Variants in CARD8 observed in about 807,000 individuals in gnomAD.
The protein encoded by CARD8 is caspase recruitment domain-containing protein 8.
CARD8 carries 38 observed loss-of-function variants against 53.2 expected under a neutral mutation model. The observed-to-expected ratio is 0.71, with a 90% confidence interval of 0.55 to 0.94. The LOEUF is 0.94. Among genes scored for constraint, CARD8 ranks in the 40% least tolerant of loss-of-function variants. The probability of loss-of-function intolerance (pLI) is 0.00; values close to 1 mark genes in which losing one functional copy is unlikely to be tolerated. For missense variants in CARD8, 561 were observed against 655.5 expected, an observed-to-expected ratio of 0.86 and a Z score of 1.57; for synonymous variants, 245 against 244.9, an observed-to-expected ratio of 1.00 and a Z score of 0.00.
chr19:48,252,556 G>A (rs983231129), intron 1 of CARD8, among the ~76,000 whole-genome samples: 11 of 150,942 alleles, frequency 7.3e-5, no homozygotes, highest in Admixed American at 5.3e-4. Flanking sequence ...ATGCAGTGGT[G>A]TGATCTCAGC....
intron 3 of CARD8, among the ~76,000 whole-genome samples, chr19:48,246,821 T>C (rs1035245712): frequency 1.3e-5 from 2 of 152,208 alleles, no homozygotes; most frequent in African/African-American, 4.8e-5. Context: ...GACAAGGCTG[T>C]GGGAAATCTG....
At chr19:48,214,719 G>A (rs2038849199) in intron 13 of CARD8, among the ~76,000 whole-genome samples, 1 of 147,446 alleles carries the variant, frequency 6.8e-6, no homozygotes, top group South Asian at 2.1e-4. Flanking sequence ...TCACCCCCTC[G>A]GCCGTCTTCC....
intron 12 of CARD8, among the ~76,000 whole-genome samples, chr19:48,215,789 C>T (rs568348944): frequency 6.6e-6 from 1 of 151,902 alleles, no homozygotes; most frequent in African/African-American, 2.4e-5. Context: ...ATTTGGGTAC[C>T]CTTATAAGTT....
intron 10 of CARD8, among the ~76,000 whole-genome samples, chr19:48,229,701 A>G (rs1012331777): frequency 1.4e-4 from 22 of 152,216 alleles, no homozygotes; most frequent in African/African-American, 5.1e-4. Context: ...CTCAGAAGAG[A>G]GTGTGGGAAT....
rs73573000 is a variant in CARD8 at position 48,230,499 on chromosome 19, G to T, written c.974C>A (p.Pro325His). 1.2e-6 allele frequency: 2 copies of T among 1,614,030 alleles called. No individual in the cohort carries two copies. The highest frequency in any genetic ancestry group is 4.5e-5 in the East Asian group (2 of 44,870). The change falls in exon 10 of 14, where the codon CCC becomes CAC. Residue 325 changes from proline (P) to histidine (H), a missense_variant. Transcript: ENST00000651546. ...ITSNTLIYYH[P>H]HPEDIKFHLY... ...GTGGAACTTAATATCTTCGGGGTGG[G>T]GGTGATAATAGATCAATGTGTTGGA... is the stretch of plus-strand genomic sequence containing the variant.
At chr19:48,246,567 A>T (rs925928377) in intron 3 of CARD8, among the ~76,000 whole-genome samples, 2 of 152,208 alleles carry the variant, frequency 1.3e-5, no homozygotes, top group Non-Finnish European at 2.9e-5. Context: ...CAGATAGACA[A>T]ATAGAGCAGA....
downstream of CARD8, among the ~76,000 whole-genome samples, chr19:48,205,841 G>A (rs879091470): frequency 6.6e-6 from 1 of 152,146 alleles, no homozygotes; most frequent in Admixed American, 6.5e-5. Context: ...TAGTAGTAAG[G>A]TATAAAAGGA....
intron 1 of CARD8, among the ~76,000 whole-genome samples, chr19:48,251,833 C>T (rs1228046275): frequency 6.6e-6 from 1 of 152,128 alleles, no homozygotes; most frequent in Non-Finnish European, 1.5e-5. Flanking sequence ...CATGGCCAGT[C>T]TCCTCTGCAG....
chr19:48,246,519 CAT>C (rs1175836818), intron 3 of CARD8, among the ~76,000 whole-genome samples: 1 of 152,096 alleles, frequency 6.6e-6, no homozygotes, highest in East Asian at 1.9e-4. Context: ...TGTGCCTACA[CAT>C]GCCTGTATTT....
chr19:48,214,679 A>G (rs1006490212), intron 13 of CARD8, among the ~76,000 whole-genome samples: 3 of 151,434 alleles, frequency 2.0e-5, no homozygotes, highest in East Asian at 1.9e-4. Context: ...CCCCAAGTCA[A>G]AAGGTCAAAC....
At chr19:48,225,053 C>A (rs1213421529) in intron 10 of CARD8, among the ~76,000 whole-genome samples, 3 of 151,996 alleles carry the variant, frequency 2.0e-5, no homozygotes, top group Non-Finnish European at 4.4e-5. Flanking sequence ...GCACCCGGCC[C>A]TCCTTGTGCT....
chr19:48,207,525 G>A (rs1249724240), downstream of CARD8, among the ~76,000 whole-genome samples: 3 of 152,076 alleles, frequency 2.0e-5, 1 homozygote, highest in South Asian at 6.2e-4. Context: ...ATAACTAGAC[G>A]TATGAAATTC....
chr19:48,220,741 G>A (rs112807474), intron 11 of CARD8, among the ~76,000 whole-genome samples: 6,033 of 151,806 alleles, frequency 0.04, 365 homozygotes, highest in African/African-American at 0.13. Context: ...GTGAAACCCC[G>A]TCTCTACTAA....
chr19:48,251,297 T>C (rs887634961), intron 1 of CARD8, among the ~76,000 whole-genome samples: 1 of 152,222 alleles, frequency 6.6e-6, no homozygotes, highest in Non-Finnish European at 1.5e-5. Flanking sequence ...CATTATGATA[T>C]AGAGTCTTGT....
At chr19:48,204,242 C>G (rs1429612607), downstream of CARD8, 4 of 453,808 alleles carry the variant, frequency 8.8e-6, no homozygotes, top group Non-Finnish European at 1.8e-5. Context: ...GCCACAGTAA[C>G]CCTGGAGTGG....
At chr19:48,204,433 T>TTGGGA (rs2037269122), downstream of CARD8, among the ~76,000 whole-genome samples, 1 of 151,884 alleles carries the variant, frequency 6.6e-6, no homozygotes, top group Non-Finnish European at 1.5e-5. Flanking sequence ...ATAAGGAGAT[T>TTGGGA]TGGGGAGATC....
chr19:48,234,500 T>G lies in CARD8; in HGVS notation c.253A>C (p.Ile85Leu). ...LPCVSETLCDISHFFQEDDET... is the reference protein window; with the variant it reads ...LPCVSETLCDLSHFFQEDDET... ...TCATCTTCTTGGAAAAAATGTGAGA[T>G]GTCACAAAGGGTCTCAGAAACACAG... is the stretch of plus-strand genomic sequence containing the variant. The change falls in exon 6 of 14, where the codon ATC becomes CTC. Residue 85 changes from isoleucine (I) to leucine (L), a missense_variant. Coordinates refer to ENST00000651546, the MANE Select transcript of CARD8 (RefSeq NM_001184900.3). 1.2e-6 allele frequency: 2 copies of G among 1,613,902 alleles called. No homozygotes were observed. Among genetic ancestry groups the G allele is most frequent in the African/African-American group, 2.7e-5 (2 of 75,010 alleles).
At chr19:48,243,493 AT>A (rs1445360592) in intron 3 of CARD8, among the ~76,000 whole-genome samples, 2 of 152,186 alleles carry the variant, frequency 1.3e-5, no homozygotes, top group African/African-American at 4.8e-5. Context: ...TGCATATTTA[AT>A]TTATTCATGT....
At chr19:48,223,765 C>T (rs540924413) in intron 10 of CARD8, 1 of 449,432 alleles carries the variant, frequency 2.2e-6, no homozygotes, top group Non-Finnish European at 4.5e-6. Context: ...TAGTTCTTAT[C>T]ATATGCACAT....
Sources: gnomAD v4.1 joint callset for allele counts (sites outside exome capture counted in the v4.1 genomes callset) on GRCh38, gnomAD v4.1.1 for gene constraint, MANE v1.5 for transcripts, NCBI Gene and HGNC (gene_info 2026-07-23, HGNC 2026-07-21) for gene names.